TAB1: variants seen among roughly 807,000 people sequenced by gnomAD.
TAB1 encodes the protein TGF-beta activated kinase 1 (MAP3K7) binding protein 1, also known as TGF-beta-activated kinase 1 and MAP3K7-binding protein 1.
In TAB1, 30 loss-of-function variants were observed where a neutral mutation model predicts 54.5. That is an observed-to-expected ratio of 0.55 (90% CI 0.41 to 0.75). The LOEUF is 0.75. TAB1 is among the 30% of genes least tolerant of loss of function. The pLI is 0.00. For synonymous variants in TAB1, 289 were observed against 286.9 expected (o/e 1.01, Z -0.07); for missense variants, 609 against 683.2 (o/e 0.89, Z 1.21).
At chr22:39,413,648 T>C (rs1371582525) in intron 1 of TAB1, among the ~76,000 whole-genome samples, 1 of 152,076 alleles carries the variant, frequency 6.6e-6, no homozygotes, top group Non-Finnish European at 1.5e-5. Context: ...CGGTCTCAAA[T>C]TTCTGACATC....
At position 39,420,880 on chromosome 22, in the gene TAB1, C is replaced by CTGTGTGTG. The variant is rs1422295272; in HGVS notation, c.777-946_777-945insGTGTGTGT. On this transcript the variant is annotated intron_variant, in intron 7 of 10. Coordinates refer to ENST00000216160, the MANE Select transcript of TAB1 (RefSeq NM_006116.3). Reference sequence around the variant, plus strand: ...AACACCCAGGTGCTGGGGTGTCTCTCTCTGTGTGTGTGTGTGTGTGTGTGT... The same window carrying CTGTGTGTG: ...AACACCCAGGTGCTGGGGTGTCTCTCTGTGTGTGTCTGTGTGTGTGTGTGTGTGTGTGT... Among the ~76,000 whole-genome samples, 19 of 93,074 alleles carry CTGTGTGTG rather than the reference C, an allele frequency of 2.0e-4. 5 individuals are homozygous for CTGTGTGTG. The highest frequency in any genetic ancestry group is 1.1e-3 in the African/African-American group (19 of 16,546). The allele number at this position is 93,074 out of a possible 152,430, so 61.1% of individuals were successfully genotyped here. A position where few individuals can be genotyped will look rare whatever the true frequency, so the allele number is the denominator to read the frequency against.
chr22:39,433,211 A>C (rs1042988656), downstream of TAB1: 41 of 982,314 alleles, frequency 4.2e-5, no homozygotes, highest in Admixed American at 4.3e-4. Flanking sequence ...CAGCACTTTC[A>C]GAGGCCAAGG....
chr22:39,406,170 C>A (rs554342484), intron 1 of TAB1, among the ~76,000 whole-genome samples: 1 of 152,194 alleles, frequency 6.6e-6, no homozygotes, highest in Non-Finnish European at 1.5e-5. Context: ...GAGGCCAAGG[C>A]GTGTGGATCA....
At chr22:39,411,720 C>T (rs1324543118) in intron 1 of TAB1, among the ~76,000 whole-genome samples, 1 of 152,176 alleles carries the variant, frequency 6.6e-6, no homozygotes, top group Non-Finnish European at 1.5e-5. Context: ...CCCTGTCACT[C>T]CTAGGTATTT....
chr22:39,417,600 GA>G, intron 4 of TAB1, 110 bp from the exon 5 acceptor site: 1 of 1,116,470 alleles, frequency 9.0e-7, no homozygotes, highest in East Asian at 2.7e-5. Context: ...TAGCCTGGGG[GA>G]CACAGCGAGA....
rs189973014 is a variant in TAB1, at chr22:39,431,722, C to T, written c.*1500C>T. The T allele has an allele frequency of 6.1e-6, 6 of 985,500 alleles. No individual in the cohort carries two copies. The highest frequency in any genetic ancestry group is 7.2e-6 in the Non-Finnish European group (6 of 829,976). The allele number at this position is 985,500 out of a possible 1,614,324, so 61.0% of individuals were successfully genotyped here. ...TCCCCACTTTGAAGCCATCTCTGTTCTGCAGGTGAGAGGATTTAAAGTCAG... is the reference window on the plus strand; with the variant it reads ...TCCCCACTTTGAAGCCATCTCTGTTTTGCAGGTGAGAGGATTTAAAGTCAG... On this transcript the variant is annotated 3_prime_UTR_variant, in exon 11 of 11. Coordinates refer to ENST00000216160, the MANE Select transcript of TAB1 (RefSeq NM_006116.3).
rs1927563324 is a variant in TAB1 at position 39,430,939 on chromosome 22, G to C, written c.*717G>C. 1.0e-6 allele frequency: 1 copy of C among 986,880 alleles called. No homozygotes were observed. Among genetic ancestry groups the C allele is most frequent in the Non-Finnish European group, 1.2e-6 (1 of 831,028 alleles). The allele number at this position is 986,880 out of a possible 1,614,324, so 61.1% of individuals were successfully genotyped here. ...GAGCCAGGCGTGCGGGAGAGGTGAG[G>C]ACTGGCCCCGGTGGGCTGAGGCAGG... On this transcript the variant is annotated 3_prime_UTR_variant, in exon 11 of 11. Transcript: ENST00000216160.
At chr22:39,435,500 G>C (rs1927749274), downstream of TAB1, among the ~76,000 whole-genome samples, 2 of 152,198 alleles carry the variant, frequency 1.3e-5, no homozygotes, top group Admixed American at 1.3e-4. Flanking sequence ...GGTTCGCTGG[G>C]TCCTACTGCT....
downstream of TAB1, chr22:39,436,373 A>G: frequency 1.3e-6 from 1 of 765,606 alleles, no homozygotes; most frequent in South Asian, 1.5e-5. Context: ...AACCTGGCAA[A>G]GAGTTGGTAT....
intron 9 of TAB1, among the ~76,000 whole-genome samples, chr22:39,427,796 A>G (rs775617045): frequency 1.1e-4 from 16 of 152,164 alleles, no homozygotes; most frequent in Admixed American, 2.6e-4. Flanking sequence ...ATTTACTGCT[A>G]TAAGGAGTTC....
At chr22:39,425,099 G>A (rs945433389) in intron 8 of TAB1, among the ~76,000 whole-genome samples, 1 of 152,098 alleles carries the variant, frequency 6.6e-6, no homozygotes, top group South Asian at 2.1e-4. Context: ...TCGGCTGGGC[G>A]TGGTGGCTCA....
intron 1 of TAB1, among the ~76,000 whole-genome samples, chr22:39,412,338 C>A (rs896365134): frequency 6.6e-6 from 1 of 152,162 alleles, no homozygotes; most frequent in Non-Finnish European, 1.5e-5. Context: ...CTGCACCTGG[C>A]GTTTAATATG....
At chr22:39,414,910 G>T (rs559875379) in intron 1 of TAB1, 96 bp from the exon 2 acceptor site, 1 of 1,439,636 alleles carries the variant, frequency 6.9e-7, no homozygotes. Context: ...GTAGGGCTGC[G>T]GGCCTGCTAG....
chr22:39,405,690 A>C (rs1373449774), intron 1 of TAB1, among the ~76,000 whole-genome samples: 1 of 152,244 alleles, frequency 6.6e-6, no homozygotes, highest in Non-Finnish European at 1.5e-5. Flanking sequence ...ATGTGGAGGA[A>C]GGAAGCGAGA....
intron 1 of TAB1, among the ~76,000 whole-genome samples, chr22:39,407,117 A>G (rs2145657256): frequency 6.6e-6 from 1 of 152,338 alleles, no homozygotes; most frequent in African/African-American, 2.4e-5. Flanking sequence ...ATTTAAAACA[A>G]CCTTCTATAG....
At chr22:39,399,868 T>C (rs1163869691) in intron 1 of TAB1, 33 bp downstream of exon 1, 3 of 1,581,070 alleles carry the variant, frequency 1.9e-6, no homozygotes, top group Admixed American at 3.7e-5. Flanking sequence ...GGGCTTGGGG[T>C]TGGGAGCCTG....
At chr22:39,432,194 C>T (rs1259695217), downstream of TAB1, among the ~76,000 whole-genome samples, 1 of 152,212 alleles carries the variant, frequency 6.6e-6, no homozygotes, top group East Asian at 1.9e-4. Flanking sequence ...GTTGTGGTGC[C>T]AACTCCACTC....
intron 1 of TAB1, among the ~76,000 whole-genome samples, chr22:39,410,424 G>T (rs905999308): frequency 1.3e-5 from 2 of 152,022 alleles, no homozygotes; most frequent in Admixed American, 6.6e-5. Flanking sequence ...TTTTCTTTTG[G>T]CGTTGCTTGT....
chr22:39,434,448 A>G (rs539705270), downstream of TAB1, among the ~76,000 whole-genome samples: 5 of 152,368 alleles, frequency 3.3e-5, no homozygotes, highest in South Asian at 2.1e-4. Context: ...CGACAAGGGC[A>G]TCTTTCATGA....
Sources: gnomAD v4.1 joint callset for allele counts (sites outside exome capture counted in the v4.1 genomes callset) on GRCh38, gnomAD v4.1.1 for gene constraint, MANE v1.5 for transcripts, NCBI Gene and HGNC (gene_info 2026-07-23, HGNC 2026-07-21) for gene names.